Variants in SFXN5 observed in about 807,000 individuals in gnomAD.
SFXN5 encodes sideroflexin 5, also known as sideroflexin-5.
SFXN5 carries 43 observed loss-of-function variants against 50.2 expected under a neutral mutation model. The ratio of observed to expected loss-of-function variants is 0.86; its 90% CI spans 0.67 to 1.11. The LOEUF (loss-of-function observed/expected upper bound fraction) is 1.11. Among genes scored for constraint, SFXN5 ranks in the 50% least tolerant of loss-of-function variants. The probability of loss-of-function intolerance (pLI) is 0.00; values close to 1 mark genes in which losing one functional copy is unlikely to be tolerated. For missense variants in SFXN5, 463 were observed against 454.1 expected, an observed-to-expected ratio of 1.02 and a Z score of -0.18; for synonymous variants, 203 against 185.8, an observed-to-expected ratio of 1.09 and a Z score of -0.75.
intron 6 of SFXN5, among the ~76,000 whole-genome samples, chr2:73,016,184 T>C (rs1332000507): frequency 6.6e-6 from 1 of 152,230 alleles, no homozygotes; most frequent in Non-Finnish European, 1.5e-5. Context: ...GTCTATTTAA[T>C]TAGTCCTTCT....
At chr2:73,057,749 G>C (rs138321368) in intron 2 of SFXN5, among the ~76,000 whole-genome samples, 5 of 152,208 alleles carry the variant, frequency 3.3e-5, no homozygotes, top group South Asian at 4.1e-4. Flanking sequence ...TTGAATGATG[G>C]GGATGGTTCC....
At chr2:72,981,714 C>CCCA (rs1671320475) in intron 10 of SFXN5, among the ~76,000 whole-genome samples, 1 of 152,214 alleles carries the variant, frequency 6.6e-6, no homozygotes, top group Admixed American at 6.5e-5. Context: ...AGTTCTGAGG[C>CCCA]TGCCACCAAT....
intron 1 of SFXN5, among the ~76,000 whole-genome samples, chr2:73,068,396 C>A (rs1683326355): frequency 6.6e-6 from 1 of 152,190 alleles, no homozygotes; most frequent in South Asian, 2.1e-4. Context: ...CAACCCAGTA[C>A]ATATGTAGCC....
intron 3 of SFXN5, among the ~76,000 whole-genome samples, chr2:73,033,170 G>A (rs1678537507): frequency 1.3e-5 from 2 of 152,110 alleles, no homozygotes; most frequent in African/African-American, 4.8e-5. Context: ...TATTTTCAAG[G>A]TTATTGTGAA....
At chr2:72,946,991 A>G (rs1330797141) in intron 13 of SFXN5, among the ~76,000 whole-genome samples, 2 of 152,118 alleles carry the variant, frequency 1.3e-5, no homozygotes, top group Non-Finnish European at 2.9e-5. Flanking sequence ...AGTTGTTCAG[A>G]GACACCCCGT....
intron 1 of SFXN5, chr2:73,059,196 GGGCTTTATGCTAAGCGCAGCCACA>G: frequency 6.1e-6 from 6 of 986,268 alleles, no homozygotes; most frequent in Non-Finnish European, 7.2e-6. Context: ...TGGAAAAGGA[GGGCTTTATGCTAAGCGCAGCCACA>G]GGCATTGGAG....
At chr2:72,977,629 T>G (rs1045827350) in intron 10 of SFXN5, among the ~76,000 whole-genome samples, 3 of 152,208 alleles carry the variant, frequency 2.0e-5, no homozygotes, top group Admixed American at 1.3e-4. Context: ...GTCATATAGT[T>G]TAATATATAG....
rs568508419 is a variant in SFXN5, at chr2:72,944,956, A to C, written c.*66T>G. 2.7e-6 allele frequency: 4 copies of C among 1,471,826 alleles called. No individual in the cohort carries two copies. Among genetic ancestry groups the C allele is most frequent in the Non-Finnish European group, 3.8e-6 (4 of 1,063,706 alleles). 91.2% of individuals were successfully genotyped at this position (1,471,826 alleles called of 1,614,324 possible). On this transcript the variant is annotated 3_prime_UTR_variant, in exon 14 of 14. Coordinates refer to ENST00000272433, the MANE Select transcript of SFXN5 (RefSeq NM_144579.3). ...GCTGCTCCCTGCAGGTGCAGCCGTG[A>C]GTCTACGGCCCTGCCCCTCAGCTCC...
At chr2:72,997,324 T>C (rs1234158993) in intron 9 of SFXN5, 1 of 152,216 alleles carries the variant, frequency 6.6e-6, no homozygotes, top group Non-Finnish European at 1.5e-5. Context: ...TATACAGCCG[T>C]GAACAGTTAT....
Position 72,943,175 on chromosome 2 carries a change from GC to G in SFXN5, c.*1846del, listed in dbSNP as rs1369122335. 8 of 152,210 alleles carry G rather than the reference GC, an allele frequency of 5.3e-5. No individual in the cohort carries two copies. Among genetic ancestry groups the G allele is most frequent in the Admixed American group, 2.6e-4 (4 of 15,284 alleles). The allele number at this position is 152,210 out of a possible 1,614,324, so 9.4% of individuals were successfully genotyped here. The stretch of plus-strand genomic sequence containing the variant: ...GGGCTGCTCCTCAGGAGAGTGGCAG[GC>G]CCCTCAGGGCAATGTGCTGCAGAGC... On this transcript the variant is annotated 3_prime_UTR_variant, in exon 14 of 14. Transcript: ENST00000272433.
intron 8 of SFXN5, 145 bp downstream of exon 8, chr2:73,000,286 G>T: frequency 2.6e-6 from 2 of 777,432 alleles, no homozygotes; most frequent in Non-Finnish European, 4.0e-6. Flanking sequence ...CCACCTGAAG[G>T]GCTGGCATTT....
intron 1 of SFXN5, chr2:73,071,283 G>A (rs1683582435): frequency 5.5e-6 from 2 of 366,572 alleles, no homozygotes; most frequent in African/African-American, 4.3e-5. Flanking sequence ...CTGAGCAGCC[G>A]CTCGAAGCCG....
rs755121569 is a variant in SFXN5, at chr2:72,968,476, G to A, written c.799C>T (p.Pro267Ser). 3.1e-6 allele frequency: 5 copies of A among 1,613,162 alleles called. No individual in the cohort carries two copies. Among genetic ancestry groups the A allele is most frequent in the Middle Eastern group, 1.9e-4 (1 of 5,354 alleles). ...TCCAGCATGGACATGACGATCGGGG[G>A]TAGCACCAGGATGGGCATGGGCAGG... ...VVLPMPILVL[P>S]PIVMSMLEKT... Residue 267 changes from proline to serine, a missense_variant, in exon 12 of 14, where the codon CCC becomes TCC. By Grantham distance (74) the Pro-to-Ser change is moderately conservative. Coordinates refer to ENST00000272433, the MANE Select transcript of SFXN5 (RefSeq NM_144579.3).
intron 9 of SFXN5, among the ~76,000 whole-genome samples, chr2:72,994,014 C>T (rs998221473): frequency 1.3e-5 from 2 of 152,204 alleles, no homozygotes; most frequent in Non-Finnish European, 2.9e-5. Context: ...TGGGGAAGGA[C>T]TTGTCTGCCA....
chr2:73,023,314 T>C, intron 3 of SFXN5, 100 bp from the exon 4 acceptor site: 2 of 1,263,938 alleles, frequency 1.6e-6, no homozygotes, highest in Non-Finnish European at 2.2e-6. Context: ...GGGATCCAGC[T>C]CCGAAAGCCC....
chr2:73,007,361 T>C (rs1267532083), intron 6 of SFXN5, among the ~76,000 whole-genome samples: 1 of 152,046 alleles, frequency 6.6e-6, no homozygotes, highest in Admixed American at 6.5e-5. Context: ...TTCGCCAAGA[T>C]AATGGAAATA....
rs1285456655 is a variant in SFXN5 at position 73,058,515 on chromosome 2, A to G, written c.171+13T>C. ...AAGGCCCAAGGGCCACTGAGGTGAC[A>G]GCCATGACTTACCTCAGTGACAAAG... On this transcript the variant is annotated intron_variant, in intron 2 of 13. Transcript: ENST00000272433. The G allele has an allele frequency of 3.7e-6, 6 of 1,613,094 alleles. No homozygotes were observed. In the East Asian group the frequency reaches 6.7e-5, roughly 18 times the overall value.
chr2:73,022,605 TG>T, intron 4 of SFXN5, 29 bp from the exon 5 acceptor site: 1 of 279,654 alleles, frequency 3.6e-6, no homozygotes, highest in Non-Finnish European at 4.9e-6. Flanking sequence ...GAGAATGGGG[TG>T]GGGACGGGGG....
At chr2:73,058,430 T>C (rs1682410340) in intron 2 of SFXN5, 98 bp downstream of exon 2, 6 of 1,170,682 alleles carry the variant, frequency 5.1e-6, no homozygotes, top group Non-Finnish European at 7.7e-6. Context: ...CCCTATTCTC[T>C]TCACTCCCCC....
Sources: allele counts gnomAD v4.1 joint callset (sites outside exome capture counted in the v4.1 genomes callset), GRCh38; gene constraint gnomAD v4.1.1; transcripts MANE v1.5; gene names NCBI Gene and HGNC (gene_info 2026-07-23, HGNC 2026-07-21).